The following EYS variants were observed in gnomAD, a reference collection of about 807,000 sequenced individuals.
EYS encodes the protein EGF-like photoreceptor maintenance factor, also known as protein eyes shut homolog.
In EYS, 250 loss-of-function variants were observed where a neutral mutation model predicts 282.1. The observed-to-expected ratio is 0.89, with a 90% CI of 0.80 to 0.98. The LOEUF is 0.98. Ranked by LOEUF, EYS falls within the 50% of genes least tolerant of loss-of-function variation. EYS has a pLI of 0.00. For synonymous variants in EYS, 1,355 were observed against 1,282.9 expected (o/e 1.06, Z -1.20); for missense variants, 4,016 against 3,709.0 (o/e 1.08, Z -2.15).
intron 12 of EYS, among the ~76,000 whole-genome samples, chr6:65,159,321 T>A (rs1298404328): frequency 6.6e-6 from 1 of 150,844 alleles, no homozygotes; most frequent in African/African-American, 2.4e-5. Context: ...GACCTGGCAG[T>A]GGGCATTCTA....
chr6:65,598,790 GT>G (rs919468297), intron 2 of EYS, among the ~76,000 whole-genome samples: 5 of 151,998 alleles, frequency 3.3e-5, no homozygotes, highest in Admixed American at 1.3e-4. Flanking sequence ...AACTATCTCA[GT>G]TCAAATTTTC....
intron 22 of EYS, among the ~76,000 whole-genome samples, chr6:64,660,521 T>A (rs1220557508): frequency 6.6e-6 from 1 of 152,170 alleles, no homozygotes; most frequent in Non-Finnish European, 1.5e-5. Flanking sequence ...CTTAAGCTGA[T>A]AAGCAACTTC....
chr6:65,037,929 C>T (rs1265611422), intron 13 of EYS, among the ~76,000 whole-genome samples: 1 of 151,506 alleles, frequency 6.6e-6, no homozygotes, highest in East Asian at 1.9e-4. Context: ...TAAACAATAC[C>T]TCAGGGTGCC....
intron 2 of EYS, among the ~76,000 whole-genome samples, chr6:65,556,472 T>A (rs1762367946): frequency 6.6e-6 from 1 of 151,282 alleles, no homozygotes; most frequent in South Asian, 2.1e-4. Context: ...TTAGTGATAT[T>A]ACATGAGATG....
chr6:65,193,840 A>G (rs1052016116), intron 12 of EYS, among the ~76,000 whole-genome samples: 3 of 151,828 alleles, frequency 2.0e-5, no homozygotes, highest in African/African-American at 7.3e-5. Flanking sequence ...AAAGGTGTCA[A>G]CCAAACCACC....
intron 35 of EYS, among the ~76,000 whole-genome samples, chr6:63,916,527 G>A (rs1288204600): frequency 6.6e-6 from 1 of 152,108 alleles, no homozygotes; most frequent in African/African-American, 2.4e-5. Context: ...TTGGAAAAAT[G>A]TCTATTCGAA....
At chr6:64,006,207 A>G (rs1768340451) in intron 33 of EYS, among the ~76,000 whole-genome samples, 1 of 152,032 alleles carries the variant, frequency 6.6e-6, no homozygotes, top group Non-Finnish European at 1.5e-5. Context: ...CTGTATTCTT[A>G]GATATTACTC....
intron 22 of EYS, among the ~76,000 whole-genome samples, chr6:64,806,338 C>A (rs1281768437): frequency 6.6e-6 from 1 of 151,878 alleles, no homozygotes; most frequent in Non-Finnish European, 1.5e-5. Context: ...TACCTAACTT[C>A]TCTTAGTCTT....
At chr6:64,790,043 T>C (rs1462878793) in intron 22 of EYS, among the ~76,000 whole-genome samples, 1 of 152,024 alleles carries the variant, frequency 6.6e-6, no homozygotes, top group Non-Finnish European at 1.5e-5. Flanking sequence ...CAATAAATCA[T>C]TTATCATCAT....
chr6:65,557,751 A>G (rs1362077051), intron 2 of EYS, among the ~76,000 whole-genome samples: 1 of 152,124 alleles, frequency 6.6e-6, no homozygotes, highest in East Asian at 1.9e-4. Context: ...ATGAGGTTAC[A>G]CTGACAACTG....
intron 29 of EYS, among the ~76,000 whole-genome samples, chr6:64,384,132 A>T (rs1282544685): frequency 6.6e-6 from 1 of 152,184 alleles, no homozygotes; most frequent in African/African-American, 2.4e-5. Flanking sequence ...ATGGCTAATG[A>T]TTGACAGGGC....
chr6:64,548,059 G>A (rs955971188), intron 26 of EYS, among the ~76,000 whole-genome samples: 1 of 152,172 alleles, frequency 6.6e-6, no homozygotes, highest in African/African-American at 2.4e-5. Context: ...ACACCTCCCT[G>A]GAAGCTGATA....
intron 35 of EYS, among the ~76,000 whole-genome samples, chr6:63,875,539 A>G (rs900551681): frequency 6.6e-6 from 1 of 152,168 alleles, no homozygotes; most frequent in African/African-American, 2.4e-5. Flanking sequence ...TAATTTCCGA[A>G]GGAATGGTAC....
chr6:64,438,656 A>G lies in EYS; in HGVS notation c.5835+506T>C, dbSNP rs1425869868. Among the ~76,000 whole-genome samples, 54 of 88,766 alleles carry G rather than the reference A, an allele frequency of 6.1e-4. 1 individual carries two copies. Among genetic ancestry groups the G allele is most frequent in the Non-Finnish European group, 1.8e-4 (6 of 34,212 alleles). 58.2% of individuals were successfully genotyped at this position (88,766 alleles called of 152,430 possible). ...TAGAAGAAAAGTTGAAAATAAGGAG[A>G]AAAAAAGACAATGAATGTTAATTCA... On this transcript the variant is annotated intron_variant, in intron 27 of 42. Coordinates refer to ENST00000503581, the MANE Select transcript of EYS (RefSeq NM_001142800.2).
At chr6:64,296,340 GATAC>G (rs1227405524) in intron 30 of EYS, among the ~76,000 whole-genome samples, 1 of 152,014 alleles carries the variant, frequency 6.6e-6, no homozygotes, top group Non-Finnish European at 1.5e-5. Context: ...TATGTTTGCT[GATAC>G]ATATAACAGC....
intron 2 of EYS, among the ~76,000 whole-genome samples, chr6:65,548,800 A>G (rs1768490390): frequency 6.6e-6 from 1 of 152,224 alleles, no homozygotes. Flanking sequence ...ACAAATACAC[A>G]GACAATTCAA....
intron 1 of EYS, among the ~76,000 whole-genome samples, chr6:65,657,026 C>T (rs1284507731): frequency 6.6e-6 from 1 of 151,750 alleles, no homozygotes; most frequent in African/African-American, 2.4e-5. Context: ...TCTGCCTGTC[C>T]TCTAGAAATG....
At chr6:65,380,767 A>G (rs1027704644) in intron 8 of EYS, among the ~76,000 whole-genome samples, 1 of 152,280 alleles carries the variant, frequency 6.6e-6, no homozygotes, top group South Asian at 2.1e-4. Flanking sequence ...AGTTAAACAA[A>G]TTTACAAGAA....
chr6:64,644,283 AT>A lies in EYS; in HGVS notation c.3444-18039del, dbSNP rs529543882. Among the ~76,000 whole-genome samples the A allele has an allele frequency of 3.6e-3, 544 of 151,068 alleles. 4 individuals are homozygous for A. The highest frequency in any genetic ancestry group is 0.013 in the African/African-American group (529 of 41,146). ...ATGGAGCATCCCAGTTTTATGAGCCATAAAAATTCTATATATGACTTAATTA... is the reference window on the plus strand; with the variant it reads ...ATGGAGCATCCCAGTTTTATGAGCCAAAAAATTCTATATATGACTTAATTA... On this transcript the variant is annotated intron_variant, in intron 22 of 42. Coordinates refer to ENST00000503581, the MANE Select transcript of EYS (RefSeq NM_001142800.2).
Sources: gnomAD v4.1 joint callset for allele counts (sites outside exome capture counted in the v4.1 genomes callset) on GRCh38, gnomAD v4.1.1 for gene constraint, MANE v1.5 for transcripts, NCBI Gene and HGNC (gene_info 2026-07-23, HGNC 2026-07-21) for gene names.